Variants in CEP83 observed in about 807,000 individuals in gnomAD.
The protein encoded by CEP83 is centrosomal protein of 83 kDa.
A neutral mutation model predicts 101.9 loss-of-function variants in CEP83; 70 were observed. The ratio of observed to expected loss-of-function variants is 0.69; its 90% confidence interval spans 0.57 to 0.84. The LOEUF is 0.84. CEP83 is among the 40% of genes least tolerant of loss of function. The pLI is 0.00. For synonymous variants in CEP83, 264 were observed against 267.9 expected, an observed-to-expected ratio of 0.99 and a Z score of 0.14; for missense variants, 715 against 787.2, an observed-to-expected ratio of 0.91 and a Z score of 1.10.
chr12:94,269,384 C>G, the CEP83 span, among the ~76,000 whole-genome samples: 2 of 152,210 alleles, frequency 1.3e-5, no homozygotes, highest in South Asian at 2.1e-4. Context: ...TTTATGCCAG[C>G]CTACCCCAGT....
chr12:94,287,512 A>T, the CEP83 span, among the ~76,000 whole-genome samples: 1 of 152,172 alleles, frequency 6.6e-6, no homozygotes, highest in Non-Finnish European at 1.5e-5. Context: ...AGTAGTGGCG[A>T]GTGTGCAGGA....
the CEP83 span, among the ~76,000 whole-genome samples, chr12:94,274,155 TAAAAAAAAAA>T: frequency 5.5e-4 from 25 of 45,370 alleles, no homozygotes; most frequent in African/African-American, 2.5e-3. Context: ...ACCCTGTCTC[TAAAAAAAAAA>T]AAAAAAAAAA....
chr12:94,422,726 T>C (rs180964890), intron 2 of CEP83, among the ~76,000 whole-genome samples: 1 of 152,376 alleles, frequency 6.6e-6, no homozygotes, highest in African/African-American at 2.4e-5. Flanking sequence ...TCTCATGTAT[T>C]TGCCTTGTTT....
chr12:94,303,820 C>T (rs780192296), downstream of CEP83: 21 of 1,489,500 alleles, frequency 1.4e-5, no homozygotes, highest in Non-Finnish European at 1.9e-5. Context: ...GAAGTAAAAT[C>T]TTATTACAAA....
At chr12:94,401,720 G>C (rs4761476) in intron 5 of CEP83, among the ~76,000 whole-genome samples, 40,486 of 151,938 alleles carry the variant, frequency 0.27, 5,720 homozygotes, top group South Asian at 0.33. Flanking sequence ...TGTAAACCAA[G>C]AAAATGGGTT....
intron 6 of CEP83, among the ~76,000 whole-genome samples, chr12:94,387,239 G>C (rs1234944800): frequency 1.3e-5 from 2 of 152,134 alleles, no homozygotes; most frequent in Non-Finnish European, 2.9e-5. Context: ...GGCCTGTCAG[G>C]AATGGGGCCA....
At chr12:94,438,208 G>C (rs1327394012) in intron 1 of CEP83, among the ~76,000 whole-genome samples, 1 of 150,212 alleles carries the variant, frequency 6.7e-6, no homozygotes. Context: ...GACTGAGTGA[G>C]ACTGTCCCAA....
In CEP83 at chr12:94,372,967, T is replaced by C. The variant is rs144448685; in HGVS notation, c.933+2919A>G. ...ATACTAAAAGGAATTTTACTTAACGTATGAAAATGTATTACCCAGTAATGA... is the reference window on the plus strand; with the variant it reads ...ATACTAAAAGGAATTTTACTTAACGCATGAAAATGTATTACCCAGTAATGA... On this transcript the variant is annotated intron_variant, in intron 8 of 16. Transcript: ENST00000397809. Among the ~76,000 whole-genome samples the C allele has an allele frequency of 4.6e-5, 7 of 152,340 alleles. No homozygotes were observed. The East Asian group carries it at 1.3e-3, about 29-fold the overall frequency.
At chr12:94,446,793 A>C (rs2066840877) in intron 1 of CEP83, among the ~76,000 whole-genome samples, 1 of 152,210 alleles carries the variant, frequency 6.6e-6, no homozygotes, top group South Asian at 2.1e-4. Context: ...GTCAGTAAAG[A>C]GAGAAAGAGG....
In CEP83 at chr12:94,378,846, T is replaced by C. The variant is rs2061686581; in HGVS notation, c.746A>G (p.Gln249Arg). The C allele has an allele frequency of 1.2e-6, 2 of 1,614,008 alleles. No homozygotes were observed. The highest frequency in any genetic ancestry group is 1.3e-5 in the African/African-American group (1 of 74,932). ...ENSEAQVENA[Q>R]RIQVRQLAEM... ...AGCCAACTGCCGCACCTGTATTCTT[T>C]GGGCATTTTCCACCTGAGCCTCAGA... Residue 249 changes from glutamine to arginine, a missense_variant, in exon 7 of 17, where the codon CAA becomes CGA. Transcript: ENST00000397809.
intron 6 of CEP83, among the ~76,000 whole-genome samples, chr12:94,389,527 C>T (rs1303425127): frequency 3.3e-5 from 5 of 152,178 alleles, no homozygotes; most frequent in Non-Finnish European, 7.3e-5. Flanking sequence ...CTAGGAACAG[C>T]TCCGGTCTGC....
chr12:94,331,282 A>C (rs1244753126), intron 14 of CEP83, among the ~76,000 whole-genome samples: 1 of 113,628 alleles, frequency 8.8e-6, no homozygotes, highest in African/African-American at 3.2e-5. Flanking sequence ...TGGGAGTCAG[A>C]CTCTCAGAAA....
At position 94,448,300 on chromosome 12, in the gene CEP83, A is replaced by G. The variant is rs185280070; in HGVS notation, c.-155+11257T>C. ...CCATCTAACCAAAGAACCCCAAAAT[A>G]CATGAAGCAAAAAAAGAGATAATTA... On this transcript the variant is annotated intron_variant, in intron 1 of 16. Coordinates refer to ENST00000397809, the MANE Select transcript of CEP83 (RefSeq NM_016122.3). Among the ~76,000 whole-genome samples, 478 of 152,270 alleles carry G rather than the reference A, an allele frequency of 3.1e-3. 2 individuals carry two copies. Among genetic ancestry groups the G allele is most frequent in the Non-Finnish European group, 3.9e-3 (265 of 68,004 alleles).
At chr12:94,319,745 T>G (rs1171530420) in intron 14 of CEP83, among the ~76,000 whole-genome samples, 1 of 152,248 alleles carries the variant, frequency 6.6e-6, no homozygotes, top group African/African-American at 2.4e-5. Flanking sequence ...TTCTTTTGCA[T>G]TTGCTGAGGA....
intron 1 of CEP83, among the ~76,000 whole-genome samples, chr12:94,436,848 G>A (rs2066027326): frequency 3.4e-5 from 5 of 147,984 alleles, no homozygotes; most frequent in Admixed American, 6.7e-5. Flanking sequence ...AAAGAAAGAA[G>A]GAAAGAAAAA....
the CEP83 span, among the ~76,000 whole-genome samples, chr12:94,287,890 G>A: frequency 5.9e-5 from 9 of 152,172 alleles, no homozygotes; most frequent in African/African-American, 9.7e-5. Context: ...AGCTCTTTCC[G>A]TCTTCTTTAC....
intron 11 of CEP83, among the ~76,000 whole-genome samples, chr12:94,364,105 G>T (rs76414814): frequency 0.011 from 1,623 of 152,210 alleles, 29 homozygotes; most frequent in African/African-American, 0.037. Context: ...GGTTTGGGAG[G>T]ATGGGCTAAA....
intron 7 of CEP83, among the ~76,000 whole-genome samples, chr12:94,376,690 T>TACACACACACACACAC (rs533315599): frequency 1.7e-5 from 2 of 117,390 alleles, no homozygotes; most frequent in African/African-American, 6.8e-5. Flanking sequence ...TATACATATA[T>TACACACACACACACAC]ACACACACAC....
chr12:94,411,573 G>T, intron 4 of CEP83, 124 bp downstream of exon 4: 2 of 674,852 alleles, frequency 3.0e-6, no homozygotes, highest in African/African-American at 1.8e-5. Flanking sequence ...TGTACCACTT[G>T]GAGATACAGC....
Sources: gnomAD v4.1 joint callset for allele counts (sites outside exome capture counted in the v4.1 genomes callset) on GRCh38, gnomAD v4.1.1 for gene constraint, MANE v1.5 for transcripts, NCBI Gene and HGNC (gene_info 2026-07-23, HGNC 2026-07-21) for gene names.